GRXCR2: variants seen among roughly 807,000 people sequenced by gnomAD.
The protein encoded by GRXCR2 is glutaredoxin domain-containing cysteine-rich protein 2.
A neutral mutation model predicts 24.8 loss-of-function variants in GRXCR2; 23 were observed. The ratio of observed to expected loss-of-function variants is 0.93; its 90% CI spans 0.67 to 1.32. GRXCR2 has a LOEUF of 1.32. Among genes scored for constraint, GRXCR2 ranks in the 40% most tolerant of loss-of-function variants. GRXCR2 has a pLI of 0.00. For missense variants in GRXCR2, 315 were observed against 303.4 expected (o/e 1.04, Z -0.28); for synonymous variants, 130 against 116.1 (o/e 1.12, Z -0.77).
At chr5:145,890,611 C>A (rs914914687) in intron 2 of GRXCR2, among the ~76,000 whole-genome samples, 2 of 152,172 alleles carry the variant, frequency 1.3e-5, no homozygotes, top group Admixed American at 6.5e-5. Flanking sequence ...TTATAAGAGA[C>A]CTTTAAGGGA....
intron 2 of GRXCR2, among the ~76,000 whole-genome samples, chr5:145,892,161 G>C (rs1756875773): frequency 6.6e-6 from 1 of 152,142 alleles, no homozygotes; most frequent in Non-Finnish European, 1.5e-5. Context: ...ACCAAAGGTA[G>C]ATAAAACCAC....
chr5:145,907,554 T>G (rs913602143), intron 2 of GRXCR2, among the ~76,000 whole-genome samples: 1 of 151,250 alleles, frequency 6.6e-6, no homozygotes. Flanking sequence ...ATAATAATAA[T>G]AAAATGATCG....
chr5:145,915,987 G>A (rs73792733), intron 2 of GRXCR2, among the ~76,000 whole-genome samples: 2,068 of 152,266 alleles, frequency 0.014, 57 homozygotes, highest in African/African-American at 0.047. Flanking sequence ...TGCACACCCA[G>A]CTGACACAGA....
chr5:145,919,198 G>T (rs913814227), intron 2 of GRXCR2, among the ~76,000 whole-genome samples: 52 of 152,070 alleles, frequency 3.4e-4, no homozygotes, highest in African/African-American at 1.2e-3. Flanking sequence ...GACAAATCAG[G>T]GAAAGTGGAG....
chr5:145,900,247 G>T (rs747915206), intron 2 of GRXCR2, among the ~76,000 whole-genome samples: 8 of 151,912 alleles, frequency 5.3e-5, no homozygotes, highest in Non-Finnish European at 1.0e-4. Context: ...TACGAGATCT[G>T]GTTGATTAAA....
At chr5:145,923,655 T>C (rs1343872338) in intron 2 of GRXCR2, among the ~76,000 whole-genome samples, 1 of 152,200 alleles carries the variant, frequency 6.6e-6, no homozygotes, top group African/African-American at 2.4e-5. Context: ...TAAGCCAAAA[T>C]CTGATTCCCT....
At chr5:145,918,291 CG>C (rs1421195244) in intron 2 of GRXCR2, among the ~76,000 whole-genome samples, 1 of 152,204 alleles carries the variant, frequency 6.6e-6, no homozygotes, top group African/African-American at 2.4e-5. Flanking sequence ...TCCCACTTTA[CG>C]GAGGAGGAAG....
At chr5:145,911,648 T>C (rs932719115) in intron 2 of GRXCR2, among the ~76,000 whole-genome samples, 1 of 152,328 alleles carries the variant, frequency 6.6e-6, no homozygotes, top group Middle Eastern at 3.4e-3. Flanking sequence ...TCAAAGTCCA[T>C]TTCTGAAATC....
intron 2 of GRXCR2, among the ~76,000 whole-genome samples, chr5:145,904,073 T>C (rs900074554): frequency 3.9e-5 from 6 of 152,122 alleles, no homozygotes; most frequent in African/African-American, 1.4e-4. Flanking sequence ...GACTCCTAAC[T>C]GGAGCTGAGT....
chr5:145,871,561 A>G (rs1756532512), intron 1 of GRXCR2, among the ~76,000 whole-genome samples: 1 of 152,230 alleles, frequency 6.6e-6, no homozygotes, highest in African/African-American at 2.4e-5. Context: ...GACACTTTGT[A>G]CTGCATACGT....
At chr5:145,904,636 C>T (rs545024511) in intron 2 of GRXCR2, among the ~76,000 whole-genome samples, 39 of 152,322 alleles carry the variant, frequency 2.6e-4, no homozygotes, top group African/African-American at 9.1e-4. Flanking sequence ...ACAGTCACAG[C>T]CACAGTGATT....
chr5:145,911,001 T>A (rs1757159141), intron 2 of GRXCR2, among the ~76,000 whole-genome samples: 3 of 152,110 alleles, frequency 2.0e-5, no homozygotes, highest in Admixed American at 2.0e-4. Context: ...GTATTTTTTT[T>A]TTTGGAAGCA....
In GRXCR2 at chr5:145,872,632, C is replaced by T. The variant is rs2149912099; in HGVS notation, c.336+1G>A. On this transcript the variant is annotated splice_donor_variant, in intron 1 of 2. Coordinates refer to ENST00000377976, the MANE Select transcript of GRXCR2 (RefSeq NM_001080516.2). LOFTEE classifies it high-confidence loss of function. ...GCCTATATGCCATGCACAATACCAA[C>T]CTTATGGTCATTCGCCTTGTAATCG... is the stretch of plus-strand genomic sequence containing the variant. 1 of 1,593,522 alleles carries T rather than the reference C, an allele frequency of 6.3e-7. No individual in the cohort carries two copies. Among genetic ancestry groups the T allele is most frequent in the African/African-American group, 1.3e-5 (1 of 74,524 alleles).
chr5:145,931,231 C>T (rs6872710), intron 2 of GRXCR2, among the ~76,000 whole-genome samples: 28,455 of 152,016 alleles, frequency 0.19, 2,882 homozygotes, highest in Non-Finnish European at 0.22. Flanking sequence ...AGGATTTTGC[C>T]ATGTTGCCCA....
chr5:145,917,108 T>C (rs1757251947), intron 2 of GRXCR2, among the ~76,000 whole-genome samples: 1 of 146,744 alleles, frequency 6.8e-6, no homozygotes. Context: ...GTGGGAAACC[T>C]CCAGAATCCA....
At chr5:145,925,799 C>A (rs950922125) in intron 2 of GRXCR2, among the ~76,000 whole-genome samples, 1 of 152,070 alleles carries the variant, frequency 6.6e-6, no homozygotes, top group Non-Finnish European at 1.5e-5. Context: ...ATGTTATTTA[C>A]AGTCAGTTAT....
At chr5:145,890,356 C>T (rs385091) in intron 2 of GRXCR2, among the ~76,000 whole-genome samples, 1 of 152,182 alleles carries the variant, frequency 6.6e-6, no homozygotes, top group Non-Finnish European at 1.5e-5. Flanking sequence ...TCCCAAAGTG[C>T]TGAGATTACA....
Position 145,910,837 on chromosome 5 carries a change from A to AGTGTGTGTGTGTGTGT in GRXCR2, c.-70+24848_-70+24863dup, listed in dbSNP as rs59096502. Among the ~76,000 whole-genome samples the AGTGTGTGTGTGTGTGT allele has an allele frequency of 2.7e-3, 413 of 150,302 alleles. 1 individual carries two copies. Among genetic ancestry groups the AGTGTGTGTGTGTGTGT allele is most frequent in the Middle Eastern group, 7.0e-3 (2 of 286 alleles). On this transcript the variant is annotated intron_variant, in intron 2 of 3. Transcript: ENST00000639411. Reference sequence around the variant, plus strand: ...GTAGATAAGAAGGGGAACTATGTGAAGTGTGTGTGTGTGTGTGTGTGTACC... The same window carrying AGTGTGTGTGTGTGTGT: ...GTAGATAAGAAGGGGAACTATGTGAAGTGTGTGTGTGTGTGTGTGTGTGTGTGTGTGTGTGTGTACC...
At position 145,872,707 on chromosome 5, in the gene GRXCR2, A is replaced by T; in HGVS notation, c.262T>A (p.Phe88Ile). The T allele has an allele frequency of 6.2e-7, 1 of 1,613,948 alleles. No homozygotes were observed. Among genetic ancestry groups the T allele is most frequent in the Non-Finnish European group, 8.5e-7 (1 of 1,179,890 alleles). The change falls in exon 1 of 3, where the codon TTT (phenylalanine) becomes ATT (isoleucine). Residue 88 changes from phenylalanine (F) to isoleucine (I), a missense_variant. Physicochemically the swap from Phe to Ile is conservative, Grantham distance 21. Transcript: ENST00000377976. ...AAGGTGTAGGCATTACCCTCTCTAA[A>T]CACACTGATCCTCTGAGCAGTCAGC... ...PKLTAQRISVFREGNAYTLAG... is the reference protein window; with the variant it reads ...PKLTAQRISVIREGNAYTLAG...
Sources: allele counts gnomAD v4.1 joint callset (sites outside exome capture counted in the v4.1 genomes callset), GRCh38; gene constraint gnomAD v4.1.1; transcripts MANE v1.5; gene names NCBI Gene and HGNC (gene_info 2026-07-23, HGNC 2026-07-21).